Variants in SGCA observed in about 807,000 individuals in gnomAD.
SGCA encodes the protein sarcoglycan alpha.
Under a neutral mutation model 38.1 loss-of-function variants are expected in SGCA, and 34 were observed. The ratio of observed to expected loss-of-function variants is 0.89; its 90% CI spans 0.68 to 1.19. The LOEUF (loss-of-function observed/expected upper bound fraction) is 1.19. Ranked by LOEUF, SGCA falls within the 50% of genes most tolerant of loss-of-function variation. The probability of loss-of-function intolerance (pLI) is 0.00; values close to 1 mark genes in which losing one functional copy is unlikely to be tolerated. For synonymous variants in SGCA, 209 were observed against 214.6 expected (o/e 0.97, Z 0.23); for missense variants, 476 against 524.9 (o/e 0.91, Z 0.91).
chr17:50,168,278 A>G, intron 4 of SGCA, 96 bp from the exon 5 acceptor site: 1 of 1,080,964 alleles, frequency 9.3e-7, no homozygotes, highest in Non-Finnish European at 1.4e-6. Flanking sequence ...AGGGGCCTGA[A>G]GGGGTGTGCA....
chr17:50,171,347 C>T (rs1329791636), intron 8 of SGCA: 5 of 366,066 alleles, frequency 1.4e-5, no homozygotes, highest in Non-Finnish European at 2.2e-5. Context: ...GTTTCCCCTA[C>T]TCATGGCCTT....
chr17:50,169,631 T>G, intron 6 of SGCA: 1 of 331,532 alleles, frequency 3.0e-6, no homozygotes, highest in Non-Finnish European at 5.7e-6. Flanking sequence ...AGGTGCCACC[T>G]AGCAAACCCA....
At chr17:50,166,840 C>T (rs1389544526) in intron 1 of SGCA, among the ~76,000 whole-genome samples, 10 of 117,634 alleles carry the variant, frequency 8.5e-5, no homozygotes, top group Non-Finnish European at 1.6e-4. Context: ...CCCCACACAC[C>T]GTCACACACA....
At chr17:50,169,027 TG>T in intron 5 of SGCA, 64 bp from the exon 6 acceptor site, 1 of 1,475,884 alleles carries the variant, frequency 6.8e-7, no homozygotes, top group Non-Finnish European at 9.5e-7. Context: ...CAACAACCCC[TG>T]GCAGAGTGGT....
At chr17:50,169,500 T>G in intron 6 of SGCA, 1 of 545,252 alleles carries the variant, frequency 1.8e-6, no homozygotes, top group Non-Finnish European at 3.3e-6. Flanking sequence ...GCAATCCGCA[T>G]GTGGGGTCTC....
intron 1 of SGCA, among the ~76,000 whole-genome samples, chr17:50,166,331 A>G (rs1239813573): frequency 6.6e-6 from 1 of 152,070 alleles, no homozygotes; most frequent in African/African-American, 2.4e-5. Context: ...GTCTGACAGC[A>G]CAGGCCCAAA....
At chr17:50,170,413 GT>G in intron 7 of SGCA, 62 bp downstream of exon 7, 17 of 1,503,356 alleles carry the variant, frequency 1.1e-5, no homozygotes, top group Non-Finnish European at 1.6e-5. Flanking sequence ...GGGACTCACA[GT>G]GGCACTTGTG....
intron 8 of SGCA, among the ~76,000 whole-genome samples, chr17:50,174,410 G>A (rs1905749217): frequency 6.6e-6 from 1 of 152,048 alleles, no homozygotes; most frequent in Non-Finnish European, 1.5e-5. Flanking sequence ...GTCTATTCAT[G>A]TCTCCATATC....
rs1801190 is a variant in SGCA, at chr17:50,168,516, C to T, written c.528C>T (p.Thr176=). The T allele has an allele frequency of 2.0e-3, 3,223 of 1,580,106 alleles. 45 individuals carry two copies. The African/African-American group carries it at 0.029, about 14-fold the overall frequency. Residue 176 remains threonine (T), a synonymous_variant, in exon 5 of 10, where the codon ACC becomes ACT. Coordinates refer to ENST00000262018, the MANE Select transcript of SGCA (RefSeq NM_000023.4). The part of the protein sequence containing the change: ...EPGELQLLNV[T]SALDRGGRVP... ...GAGAGCTTCAGCTGCTCAACGTCAC[C>T]TCTGCCTTGGACCGTGGGGGCCGTG...
At chr17:50,175,634 G>C (rs113826038) in intron 9 of SGCA, 78 bp from the exon 10 acceptor site, 3 of 696,254 alleles carry the variant, frequency 4.3e-6, no homozygotes, top group Middle Eastern at 2.5e-4. Flanking sequence ...CCAAGCACTC[G>C]CAGTTGGAGT....
At chr17:50,173,695 C>T (rs1391529114) in intron 8 of SGCA, among the ~76,000 whole-genome samples, 2 of 152,190 alleles carry the variant, frequency 1.3e-5, no homozygotes, top group Non-Finnish European at 2.9e-5. Flanking sequence ...TTTCTTTCCC[C>T]TCAGTCTCCC....
In SGCA at chr17:50,167,534, C is replaced by A. The variant is rs766671542; in HGVS notation, c.157+47C>A. On this transcript the variant is annotated intron_variant, in intron 2 of 9. Coordinates refer to ENST00000262018, the MANE Select transcript of SGCA (RefSeq NM_000023.4). This position sits in a 1 kb window ranked among gnomAD's most constrained non-coding sequence, Gnocchi z 4.5. Reference sequence around the variant, plus strand: ...CAGGCGGGCGGGCTGGGGTGTACCCCGCAGGGCTCCTGCTGTGACTCGAAT... The same window carrying A: ...CAGGCGGGCGGGCTGGGGTGTACCCAGCAGGGCTCCTGCTGTGACTCGAAT... 2 of 1,614,040 alleles carry A rather than the reference C, an allele frequency of 1.2e-6. No individual in the cohort carries two copies. Among genetic ancestry groups the A allele is most frequent in the East Asian group, 4.5e-5 (2 of 44,884 alleles).
Position 50,167,424 on chromosome 17 carries a change from G to T in SGCA, c.94G>T (p.Val32Leu). The change falls in exon 2 of 10, where the codon GTG (valine) becomes TTG (leucine). Residue 32 changes from valine (V) to leucine (L), a missense_variant. Coordinates refer to ENST00000262018, the MANE Select transcript of SGCA (RefSeq NM_000023.4). This position sits in a 1 kb window ranked among gnomAD's most constrained non-coding sequence, Gnocchi z 4.5. ...EAQQTTLHPLVGRVFVHTLDH... is the reference protein window; with the variant it reads ...EAQQTTLHPLLGRVFVHTLDH... Reference sequence around the variant, plus strand: ...CCAGCAGACCACGCTACACCCACTTGTGGGCCGTGTCTTTGTGCACACCTT... The same window carrying T: ...CCAGCAGACCACGCTACACCCACTTTTGGGCCGTGTCTTTGTGCACACCTT... 6.2e-7 allele frequency: 1 copy of T among 1,614,176 alleles called. No homozygotes were observed. The highest frequency in any genetic ancestry group is 8.5e-7 in the Non-Finnish European group (1 of 1,180,030).
Position 50,167,732 on chromosome 17 carries a change from T to C in SGCA, c.308T>C (p.Ile103Thr), listed in dbSNP as rs1161291343. The change falls in exon 3 of 10, where the codon ATT becomes ACT. Residue 103 changes from isoleucine (I) to threonine (T), a missense_variant. Coordinates refer to ENST00000262018, the MANE Select transcript of SGCA (RefSeq NM_000023.4). This position sits in a 1 kb window ranked among gnomAD's most constrained non-coding sequence, Gnocchi z 4.5. ...ATPEDRGLQVIEVTAYNRDSF... is the reference protein window; with the variant it reads ...ATPEDRGLQVTEVTAYNRDSF... ...CCAGAAGATCGTGGGCTCCAGGTCA[T>C]TGAGGTGCCGTCAGGGACCCTGAGA... 20 of 1,609,336 alleles carry C rather than the reference T, an allele frequency of 1.2e-5. No homozygotes were observed. Among genetic ancestry groups the C allele is most frequent in the Non-Finnish European group, 1.6e-5 (19 of 1,176,728 alleles).
At chr17:50,173,807 A>G (rs1430657872) in intron 8 of SGCA, among the ~76,000 whole-genome samples, 1 of 152,004 alleles carries the variant, frequency 6.6e-6, no homozygotes, top group Non-Finnish European at 1.5e-5. Flanking sequence ...TGGTGACTCC[A>G]CCTCTTCCTG....
intron 6 of SGCA, 191 bp downstream of exon 6, chr17:50,169,445 A>ACACACACACACCC: frequency 1.7e-6 from 1 of 574,608 alleles, no homozygotes; most frequent in Non-Finnish European, 3.1e-6. Flanking sequence ...ACACACACAC[A>ACACACACACACCC]CCCCTGAAGT....
At chr17:50,166,662 TCACACACACACACACCCA>T (rs1443274767) in intron 1 of SGCA, among the ~76,000 whole-genome samples, 1 of 148,120 alleles carries the variant, frequency 6.8e-6, no homozygotes, top group Non-Finnish European at 1.5e-5. Flanking sequence ...ATACACACCC[TCACACACACACACACCCA>T]CACACACCCT....
chr17:50,167,182 G>A lies in SGCA; in HGVS notation c.38-186G>A, dbSNP rs73334779. 7.6e-4 allele frequency among the ~76,000 whole-genome samples: 115 copies of A among 152,204 alleles called. 2 individuals are homozygous for A. Among genetic ancestry groups the A allele is most frequent in the African/African-American group, 2.7e-3 (111 of 41,526 alleles). ...CTCCCTCGAATCCCGAAACCCAGAC[G>A]ATTAAAATGTCTAGCCCAGCAGGGC... On this transcript the variant is annotated intron_variant, in intron 1 of 9. Coordinates refer to ENST00000262018, the MANE Select transcript of SGCA (RefSeq NM_000023.4). The surrounding 1 kb of genome is among the most constrained non-coding windows in gnomAD (Gnocchi z 4.5).
rs886043193 is a variant in SGCA at position 50,169,130 on chromosome 17, C to T, written c.623C>T (p.Thr208Ile). The change falls in exon 6 of 10, where the codon ACT becomes ATT. Residue 208 changes from threonine to isoleucine, a missense_variant. Transcript: ENST00000262018. ...GTGGGTTCTGCCTCACCTTTTTCTA[C>T]TTGCCTGAAGATGGTGGCATCCCCC... is the stretch of plus-strand genomic sequence containing the variant. ...IKVGSASPFSTCLKMVASPDS... is the reference protein window; with the variant it reads ...IKVGSASPFSICLKMVASPDS... The T allele has an allele frequency of 1.9e-6, 3 of 1,614,016 alleles. No individual in the cohort carries two copies. Among genetic ancestry groups the T allele is most frequent in the African/African-American group, 1.3e-5 (1 of 75,020 alleles).
Sources: gnomAD v4.1 joint callset for allele counts (sites outside exome capture counted in the v4.1 genomes callset) on GRCh38, gnomAD v4.1.1 for gene constraint, Gnocchi (gnomAD v3.1) non-coding constraint, MANE v1.5 for transcripts, NCBI Gene and HGNC (gene_info 2026-07-23, HGNC 2026-07-21) for gene names.